The following RIF1 variants were observed in gnomAD, a reference collection of about 807,000 sequenced individuals.
The protein encoded by RIF1 is replication timing regulatory factor 1.
RIF1 carries 45 observed loss-of-function variants against 247.1 expected under a neutral mutation model. That is an observed-to-expected ratio of 0.18 (90% confidence interval 0.14 to 0.23). The LOEUF (loss-of-function observed/expected upper bound fraction) is 0.23, where lower values mean the gene tolerates loss of function less well. Among genes scored for constraint, RIF1 ranks in the 10% least tolerant of loss-of-function variants. The pLI is 1.00. For missense variants in RIF1, 2,967 were observed against 2,862.5 expected, an observed-to-expected ratio of 1.04 and a Z score of -0.83; for synonymous variants, 1,087 against 978.8, an observed-to-expected ratio of 1.11 and a Z score of -2.06.
rs141749885 is a variant in RIF1, at chr2:151,416,166, T to G, written c.281-395T>G. The stretch of plus-strand genomic sequence containing the variant: ...ATGTCAAAGTTGTTACCATCTGTTT[T>G]TGAGGGAAAAGCTGCTGCCTGCTCT... On this transcript the variant is annotated intron_variant, in intron 4 of 35. Coordinates refer to ENST00000444746, the MANE Select transcript of RIF1 (RefSeq NM_018151.5). Among the ~76,000 whole-genome samples the G allele has an allele frequency of 1.4e-3, 218 of 152,334 alleles. 1 individual carries two copies. The highest frequency in any genetic ancestry group is 5.0e-3 in the African/African-American group (208 of 41,572).
In RIF1 at chr2:151,464,821, G is replaced by A. The variant is rs761770623; in HGVS notation, c.5301G>A (p.Val1767=). ...VEISETKKAD[V]QAPVSPSETS... ...TTAGTGAAACAAAAAAGGCAGATGT[G>A]CAAGCACCTGTAAGCCCATCAGAAA... Residue 1767 remains valine (V), a synonymous_variant, in exon 30 of 36, where the codon GTG becomes GTA. Coordinates refer to ENST00000444746, the MANE Select transcript of RIF1 (RefSeq NM_018151.5). 3.7e-6 allele frequency: 6 copies of A among 1,613,780 alleles called. No individual in the cohort carries two copies. Among genetic ancestry groups the A allele is most frequent in the Non-Finnish European group, 5.1e-6 (6 of 1,179,914 alleles).
chr2:151,437,614 C>A (rs1045166595), intron 13 of RIF1, among the ~76,000 whole-genome samples: 1 of 151,980 alleles, frequency 6.6e-6, no homozygotes, highest in Non-Finnish European at 1.5e-5. Flanking sequence ...TTGCTTGAGC[C>A]CAGGAGGTGG....
downstream of RIF1, among the ~76,000 whole-genome samples, chr2:151,512,019 CTTT>C (rs71403173): frequency 2.1e-5 from 2 of 93,568 alleles, no homozygotes; most frequent in African/African-American, 8.6e-5. Context: ...CCCTCTCACT[CTTT>C]TTTTTTTTTT....
intron 15 of RIF1, 118 bp from the exon 16 acceptor site, chr2:151,441,787 A>G: frequency 2.0e-6 from 1 of 489,748 alleles, no homozygotes; most frequent in South Asian, 2.7e-5. Flanking sequence ...TAATGAGATT[A>G]TATTTACGTT....
chr2:151,502,823 T>A, intron 11 of RIF1: 1 of 1,608,692 alleles, frequency 6.2e-7, no homozygotes, highest in Non-Finnish European at 8.5e-7. Context: ...TGCGTTTGAC[T>A]CTCTCCATCT....
At chr2:151,513,472 T>G in the RIF1 span, 1 of 766,282 alleles carries the variant, frequency 1.3e-6, no homozygotes, top group Non-Finnish European at 2.1e-6. Flanking sequence ...AAGAATGCCA[T>G]TGTATGCATG....
chr2:151,512,787 C>T (rs2075493233), downstream of RIF1: 1 of 1,613,728 alleles, frequency 6.2e-7, no homozygotes, highest in Admixed American at 1.7e-5. Context: ...GAGTATCAAC[C>T]ACAGAAGTGA....
At chr2:151,500,922 C>T (rs534563062) in intron 11 of RIF1, among the ~76,000 whole-genome samples, 57 of 152,102 alleles carry the variant, frequency 3.7e-4, no homozygotes, top group African/African-American at 1.3e-3. Flanking sequence ...CTTTTGGTTT[C>T]AATATGGAGC....
chr2:151,517,738 C>T, the RIF1 span, among the ~76,000 whole-genome samples: 1 of 152,098 alleles, frequency 6.6e-6, no homozygotes, highest in Non-Finnish European at 1.5e-5. Flanking sequence ...ATTTGTGTAT[C>T]TTGATACCTC....
the RIF1 span, chr2:151,529,225 G>A: frequency 1.9e-3 from 3,070 of 1,611,584 alleles, 30 homozygotes; most frequent in Middle Eastern, 5.6e-3. Flanking sequence ...TGTTGACTTT[G>A]TAGGCGTCCT....
chr2:151,524,643 CAA>C, the RIF1 span: 1 of 527,368 alleles, frequency 1.9e-6, no homozygotes, highest in Admixed American at 2.5e-5. Context: ...AATGTTTACT[CAA>C]GAGAGAGGCT....
At chr2:151,498,295 G>T (rs1323364980) in intron 10 of RIF1, 2 of 1,551,388 alleles carry the variant, frequency 1.3e-6, no homozygotes, top group Non-Finnish European at 1.7e-6. Flanking sequence ...TTGACTCTCT[G>T]CATCTCAGGA....
chr2:151,431,779 CTGAATGAATGAA>C (rs10681364), intron 9 of RIF1, among the ~76,000 whole-genome samples: 62 of 149,544 alleles, frequency 4.1e-4, no homozygotes, highest in African/African-American at 1.3e-3. Context: ...ACTTCCGTCT[CTGAATGAATGAA>C]TGAATGAATG....
At chr2:151,534,230 G>A in the RIF1 span, 20 of 1,613,264 alleles carry the variant, frequency 1.2e-5, no homozygotes, top group South Asian at 4.4e-5. Flanking sequence ...TGATCTGGTC[G>A]CCTGCGGTCT....
intron 9 of RIF1, among the ~76,000 whole-genome samples, chr2:151,429,708 T>G (rs1448861903): frequency 6.6e-6 from 1 of 152,152 alleles, no homozygotes; most frequent in Admixed American, 6.5e-5. Flanking sequence ...TCTAGAAGAG[T>G]ACCTAATAGT....
intron 25 of RIF1, 82 bp downstream of exon 25, chr2:151,458,992 C>A: frequency 1.3e-6 from 1 of 760,488 alleles, no homozygotes; most frequent in South Asian, 2.1e-5. Context: ...AGAACCTGAA[C>A]AGAAAAGAGT....
intron 30 of RIF1, among the ~76,000 whole-genome samples, chr2:151,467,620 G>A (rs1292017791): frequency 3.3e-5 from 5 of 152,152 alleles, no homozygotes; most frequent in East Asian, 3.9e-4. Context: ...TGGGATTACA[G>A]GTGCGAGCCA....
intron 12 of RIF1, 83 bp from the exon 13 acceptor site, chr2:151,437,157 AT>A (rs1184423970): frequency 1.6e-6 from 2 of 1,252,038 alleles, no homozygotes; most frequent in African/African-American, 3.0e-5. Context: ...CACCTACTTA[AT>A]AGACATTTTA....
At chr2:151,518,329 A>G in the RIF1 span, 1 of 1,603,680 alleles carries the variant, frequency 6.2e-7, no homozygotes, top group South Asian at 1.1e-5. Context: ...ATACTCTGTA[A>G]TTCTGTGGCC....
Sources: gnomAD v4.1 joint callset for allele counts (sites outside exome capture counted in the v4.1 genomes callset) on GRCh38, gnomAD v4.1.1 for gene constraint, MANE v1.5 for transcripts, NCBI Gene and HGNC (gene_info 2026-07-23, HGNC 2026-07-21) for gene names.